The following GRID2 variants were observed in gnomAD, a reference collection of about 807,000 sequenced individuals.
GRID2 encodes the protein glutamate receptor ionotropic, delta-2.
GRID2 carries 33 observed loss-of-function variants against 114.8 expected under a neutral mutation model. That is an observed-to-expected ratio of 0.29 (90% confidence interval 0.22 to 0.38). GRID2 has a LOEUF of 0.38. Ranked by LOEUF, GRID2 falls within the 10% of genes least tolerant of loss-of-function variation. GRID2 has a pLI of 1.00. For missense variants in GRID2, 1,184 were observed against 1,257.7 expected (o/e 0.94, Z 0.89); for synonymous variants, 505 against 449.9 (o/e 1.12, Z -1.55).
At chr4:93,262,083 A>G (rs918766342) in intron 8 of GRID2, among the ~76,000 whole-genome samples, 5 of 151,522 alleles carry the variant, frequency 3.3e-5, no homozygotes, top group African/African-American at 9.7e-5. Flanking sequence ...TATTAAATGT[A>G]TAATAAAAAA....
At chr4:93,203,275 A>T (rs564085829) in intron 4 of GRID2, among the ~76,000 whole-genome samples, 1 of 152,312 alleles carries the variant, frequency 6.6e-6, no homozygotes, top group East Asian at 1.9e-4. Context: ...ATTTTCTCAG[A>T]TAATAAATGG....
intron 2 of GRID2, among the ~76,000 whole-genome samples, chr4:92,712,901 G>A (rs571523351): frequency 2.2e-4 from 33 of 152,076 alleles, no homozygotes; most frequent in Admixed American, 1.8e-3. Flanking sequence ...TAACTCAGGG[G>A]TAACTCAGGG....
intron 2 of GRID2, among the ~76,000 whole-genome samples, chr4:92,789,697 C>T (rs1254067981): frequency 2.6e-5 from 4 of 151,668 alleles, no homozygotes; most frequent in Middle Eastern, 3.2e-3. Flanking sequence ...TCTATTTAAA[C>T]GTATTTATTT....
intron 7 of GRID2, among the ~76,000 whole-genome samples, chr4:93,232,065 A>G (rs1746211420): frequency 6.6e-6 from 1 of 152,172 alleles, no homozygotes; most frequent in Non-Finnish European, 1.5e-5. Context: ...TACAATGACA[A>G]GAGTTGATTA....
At chr4:93,535,135 C>G (rs1731905439) in intron 13 of GRID2, among the ~76,000 whole-genome samples, 1 of 151,514 alleles carries the variant, frequency 6.6e-6, no homozygotes, top group South Asian at 2.1e-4. Flanking sequence ...TTATGTCTGG[C>G]TGCTTTCCTC....
intron 11 of GRID2, among the ~76,000 whole-genome samples, chr4:93,474,549 A>G (rs1725142629): frequency 6.6e-6 from 1 of 152,158 alleles, no homozygotes; most frequent in South Asian, 2.1e-4. Context: ...TTTTTAGTGT[A>G]GGAAGCCCAT....
At chr4:92,426,664 C>T (rs763511108) in intron 1 of GRID2, among the ~76,000 whole-genome samples, 1 of 152,034 alleles carries the variant, frequency 6.6e-6, no homozygotes. Context: ...AGAACAAGAG[C>T]AAATATCTTT....
At chr4:93,179,512 T>C (rs1426762142) in intron 4 of GRID2, among the ~76,000 whole-genome samples, 2 of 152,194 alleles carry the variant, frequency 1.3e-5, no homozygotes, top group East Asian at 3.8e-4. Flanking sequence ...AAGTACCCAC[T>C]GGTAATTATT....
chr4:92,736,250 G>T (rs1168462214), intron 2 of GRID2, among the ~76,000 whole-genome samples: 2 of 151,996 alleles, frequency 1.3e-5, no homozygotes, highest in Non-Finnish European at 2.9e-5. Context: ...GGTGGAGGAG[G>T]CCTGTGGATG....
At chr4:93,372,825 C>G (rs1226421821) in intron 8 of GRID2, among the ~76,000 whole-genome samples, 1 of 152,120 alleles carries the variant, frequency 6.6e-6, no homozygotes, top group Non-Finnish European at 1.5e-5. Context: ...TTCTGAGAGT[C>G]TCACTACTAA....
chr4:93,218,731 T>G (rs1372854838), intron 6 of GRID2, among the ~76,000 whole-genome samples: 3 of 152,162 alleles, frequency 2.0e-5, no homozygotes, highest in Non-Finnish European at 4.4e-5. Context: ...TGTGTATTAG[T>G]TCATTCTCAC....
chr4:93,644,583 C>A, intron 14 of GRID2, among the ~76,000 whole-genome samples: 1 of 151,958 alleles, frequency 6.6e-6, no homozygotes, highest in East Asian at 1.9e-4. Context: ...CCATCGTGGC[C>A]CTTCTAGGGA....
rs1478147244 is a variant in GRID2 at position 93,725,871 on chromosome 4, T to G, written c.2361-43339T>G. Among the ~76,000 whole-genome samples, 6 of 152,308 alleles carry G rather than the reference T, an allele frequency of 3.9e-5. No individual in the cohort carries two copies. In the South Asian group the frequency reaches 8.3e-4, roughly 21 times the overall value. ...TAAATTTGTTTGAGTTCATTGTAGA[T>G]TCTGGATATTAGCCCTTTGTCAGAT... On this transcript the variant is annotated intron_variant, in intron 14 of 15. Coordinates refer to ENST00000282020, the MANE Select transcript of GRID2 (RefSeq NM_001510.4).
intron 9 of GRID2, among the ~76,000 whole-genome samples, chr4:93,400,782 A>T (rs1045215361): frequency 2.6e-5 from 4 of 152,074 alleles, no homozygotes; most frequent in Non-Finnish European, 4.4e-5. Context: ...ATAAACATAC[A>T]TTCACTCATG....
At chr4:92,367,258 C>A (rs906743994) in intron 1 of GRID2, among the ~76,000 whole-genome samples, 2 of 151,958 alleles carry the variant, frequency 1.3e-5, no homozygotes, top group Admixed American at 1.3e-4. Flanking sequence ...ATAAGCCTTG[C>A]TACACATGTT....
chr4:93,436,474 C>G (rs968595295), intron 10 of GRID2, among the ~76,000 whole-genome samples: 1 of 151,964 alleles, frequency 6.6e-6, no homozygotes, highest in Non-Finnish European at 1.5e-5. Flanking sequence ...GGTAGCTACA[C>G]GCAAAACACC....
At chr4:93,489,776 C>T (rs573395275) in intron 11 of GRID2, among the ~76,000 whole-genome samples, 1 of 151,992 alleles carries the variant, frequency 6.6e-6, no homozygotes, top group East Asian at 2.0e-4. Flanking sequence ...GTGCTATTCC[C>T]TGACATGGTG....
rs954236374 is a variant in GRID2 at position 93,442,465 on chromosome 4, G to A, written c.1546-13197G>A. 2.6e-5 allele frequency among the ~76,000 whole-genome samples: 4 copies of A among 152,102 alleles called. No homozygotes were observed. In the East Asian group the frequency reaches 7.8e-4, roughly 30 times the overall value. Reference sequence around the variant, plus strand: ...CTAATGCTACTGTAATTTATAACTGGTAACTTTTTCCCCCACTTAGCATTC... The same window carrying A: ...CTAATGCTACTGTAATTTATAACTGATAACTTTTTCCCCCACTTAGCATTC... On this transcript the variant is annotated intron_variant, in intron 10 of 15. Coordinates refer to ENST00000282020, the MANE Select transcript of GRID2 (RefSeq NM_001510.4).
At chr4:92,340,831 G>A (rs1727442635) in intron 1 of GRID2, among the ~76,000 whole-genome samples, 1 of 152,166 alleles carries the variant, frequency 6.6e-6, no homozygotes, top group South Asian at 2.1e-4. Flanking sequence ...GACTGGTACA[G>A]TGCAGAGTAA....
Sources: allele counts gnomAD v4.1 joint callset (sites outside exome capture counted in the v4.1 genomes callset), GRCh38; gene constraint gnomAD v4.1.1; transcripts MANE v1.5; gene names NCBI Gene and HGNC (gene_info 2026-07-23, HGNC 2026-07-21).